UBE2L5: variants seen among roughly 807,000 people sequenced by gnomAD.
The protein encoded by UBE2L5 is ubiquitin conjugating enzyme E2 L5, also known as ubiquitin-conjugating enzyme E2 L5.
Under a neutral mutation model 10.0 loss-of-function variants are expected in UBE2L5, and 3 were observed. That is an observed-to-expected ratio of 0.30 (90% confidence interval 0.14 to 0.78). UBE2L5 has a LOEUF of 0.78. UBE2L5 is among the 30% of genes least tolerant of loss of function. The pLI, the probability that UBE2L5 is intolerant of heterozygous loss-of-function variation, is 0.65. For missense variants in UBE2L5, 131 were observed against 193.3 expected (o/e 0.68, Z 1.91); for synonymous variants, 60 against 71.9 (o/e 0.83, Z 0.83).
Position 30,428,596 on chromosome 13 carries a change from T to C in UBE2L5, c.*141T>C. The C allele has an allele frequency of 2.2e-6, 2 of 925,766 alleles. No homozygotes were observed. The highest frequency in any genetic ancestry group is 3.8e-5 in the South Asian group (2 of 53,306). 57.3% of individuals were successfully genotyped at this position (925,766 alleles called of 1,614,324 possible). On this transcript the variant is annotated 3_prime_UTR_variant, in exon 4 of 4. Transcript: ENST00000635918. ...TGCAGCAGTTACTAACTTTCTACAGTTTTCTTAATTAAAAGTGGTCTAGGT... is the reference window on the plus strand; with the variant it reads ...TGCAGCAGTTACTAACTTTCTACAGCTTTCTTAATTAAAAGTGGTCTAGGT...
chr13:30,425,021 G>C (rs1177609796), intron 2 of UBE2L5, 120 bp downstream of exon 2: 3 of 152,336 alleles, frequency 2.0e-5, no homozygotes, highest in Admixed American at 2.0e-4. Context: ...GCCTCCCAAA[G>C]TGCTAGGATT....
At chr13:30,426,497 A>G (rs1322854782) in intron 2 of UBE2L5, among the ~76,000 whole-genome samples, 1 of 152,192 alleles carries the variant, frequency 6.6e-6, no homozygotes, top group Non-Finnish European at 1.5e-5. Flanking sequence ...GACAGGTCAT[A>G]TAAACATACT....
At position 30,427,516 on chromosome 13, in the gene UBE2L5, A is replaced by G. The variant is rs1885553776; in HGVS notation, c.-475A>G. 6.3e-6 allele frequency: 1 copy of G among 159,358 alleles called. No homozygotes were observed. The allele number at this position is 159,358 out of a possible 1,614,324, so 9.9% of individuals were successfully genotyped here. The stretch of plus-strand genomic sequence containing the variant: ...ATATGCAGGTAGAATTATAATGTGT[A>G]AAGCCGGGTGCAGTGGCTCACGTCT... On this transcript the variant is annotated 5_prime_UTR_variant, in exon 4 of 4. Transcript: ENST00000635918.
At chr13:30,423,061 T>C (rs1003287537) in intron 1 of UBE2L5, among the ~76,000 whole-genome samples, 1 of 152,236 alleles carries the variant, frequency 6.6e-6, no homozygotes, top group African/African-American at 2.4e-5. Flanking sequence ...ACTCAGTTTG[T>C]TGTTCTAAAC....
intron 2 of UBE2L5, among the ~76,000 whole-genome samples, chr13:30,425,343 C>T (rs918073809): frequency 6.6e-6 from 1 of 152,194 alleles, no homozygotes; most frequent in Non-Finnish European, 1.5e-5. Flanking sequence ...CTACTTATCA[C>T]TTCATGGGCA....
At position 30,428,512 on chromosome 13, in the gene UBE2L5, G is replaced by A; in HGVS notation, c.*57G>A. On this transcript the variant is annotated 3_prime_UTR_variant, in exon 4 of 4. Coordinates refer to ENST00000635918, the MANE Select transcript of UBE2L5 (RefSeq NM_001355247.2). ...GCAGAGACCCCGTGCAGTACATTCAGACACCCCGCAAAGCAGGACTCTGTG... is the reference window on the plus strand; with the variant it reads ...GCAGAGACCCCGTGCAGTACATTCAAACACCCCGCAAAGCAGGACTCTGTG... 1 of 1,578,932 alleles carries A rather than the reference G, an allele frequency of 6.3e-7. No homozygotes were observed. Among genetic ancestry groups the A allele is most frequent in the Non-Finnish European group, 8.6e-7 (1 of 1,165,744 alleles).
chr13:30,428,344 G>A lies in UBE2L5; in HGVS notation c.354G>A (p.Glu118=), dbSNP rs1885570323. Residue 118 remains glutamate (E), a synonymous_variant, in exon 4 of 4, where the codon GAG becomes GAA. Transcript: ENST00000635918. ...CACTGGTGAATGACCCGCAGCCCGA[G>A]CACCCGCTTCGGGCTGACCTAGCTG... The part of the protein sequence containing the change: ...LIALVNDPQP[E]HPLRADLAEE... 6.2e-7 allele frequency: 1 copy of A among 1,610,590 alleles called. No homozygotes were observed. Among genetic ancestry groups the A allele is most frequent in the Non-Finnish European group, 8.5e-7 (1 of 1,178,488 alleles).
chr13:30,422,806 C>G (rs1467721817), intron 1 of UBE2L5, 129 bp downstream of exon 1: 1 of 152,088 alleles, frequency 6.6e-6, no homozygotes, highest in Non-Finnish European at 1.5e-5. Context: ...AGCATTGCCT[C>G]GCTTGGTGAC....
rs1885577471 is a variant in UBE2L5 at position 30,428,737 on chromosome 13, T to C, written c.*282T>C. On this transcript the variant is annotated 3_prime_UTR_variant, in exon 4 of 4. Coordinates refer to ENST00000635918, the MANE Select transcript of UBE2L5 (RefSeq NM_001355247.2). ...TTGTTTTAAAAACATAAAATCTGGC[T>C]ACCCTAACGGGATAAGAGTTCAGAC... is the stretch of plus-strand genomic sequence containing the variant. 1 of 334,574 alleles carries C rather than the reference T, an allele frequency of 3.0e-6. No homozygotes were observed. The highest frequency in any genetic ancestry group is 5.3e-6 in the Non-Finnish European group (1 of 189,356). 20.7% of individuals were successfully genotyped at this position (334,574 alleles called of 1,614,324 possible). A position where few individuals can be genotyped will look rare whatever the true frequency, so the allele number is the denominator to read the frequency against.
At chr13:30,423,354 G>A (rs1256183434) in intron 1 of UBE2L5, among the ~76,000 whole-genome samples, 2 of 152,178 alleles carry the variant, frequency 1.3e-5, no homozygotes, top group Non-Finnish European at 2.9e-5. Flanking sequence ...CTCAACGCCT[G>A]TAATCCCAGC....
At chr13:30,427,014 TTAAA>T (rs1885547303) in intron 3 of UBE2L5, 1 of 152,226 alleles carries the variant, frequency 6.6e-6, no homozygotes, top group South Asian at 2.1e-4. Context: ...AATCTTACCT[TTAAA>T]TATGTGATTT....
intron 1 of UBE2L5, 54 bp from the exon 2 acceptor site, chr13:30,424,754 C>T (rs1025501477): frequency 9.9e-5 from 15 of 152,120 alleles, no homozygotes; most frequent in African/African-American, 3.6e-4. Context: ...TGAACAGTAC[C>T]TGGCCCACAG....
chr13:30,423,258 A>C (rs2137357175), intron 1 of UBE2L5, among the ~76,000 whole-genome samples: 1 of 152,340 alleles, frequency 6.6e-6, no homozygotes, highest in Non-Finnish European at 1.5e-5. Context: ...AGCAGATACA[A>C]TATGGAGTGT....
chr13:30,423,922 C>T (rs1160382336), intron 1 of UBE2L5, among the ~76,000 whole-genome samples: 1 of 152,244 alleles, frequency 6.6e-6, no homozygotes, highest in Non-Finnish European at 1.5e-5. Flanking sequence ...TGTAGCTTAA[C>T]GCCCTGGGAT....
rs971618888 is a variant in UBE2L5 at position 30,429,692 on chromosome 13, T to A, written c.*1237T>A. On this transcript the variant is annotated 3_prime_UTR_variant, in exon 4 of 4. Coordinates refer to ENST00000635918, the MANE Select transcript of UBE2L5 (RefSeq NM_001355247.2). ...ATGAAATAATTTTTAGAAATTGAGC[T>A]GTTAAAGGTTGTGTTTGCACATGTT... Among the ~76,000 whole-genome samples, 1 of 152,266 alleles carries A rather than the reference T, an allele frequency of 6.6e-6. No individual in the cohort carries two copies. Among genetic ancestry groups the A allele is most frequent in the African/African-American group, 2.4e-5 (1 of 41,478 alleles).
chr13:30,425,388 G>A (rs1199579931), intron 2 of UBE2L5, among the ~76,000 whole-genome samples: 1 of 152,208 alleles, frequency 6.6e-6, no homozygotes, highest in Non-Finnish European at 1.5e-5. Context: ...CAGTGAGGCA[G>A]GCACTTGGCA....
intron 2 of UBE2L5, among the ~76,000 whole-genome samples, chr13:30,425,148 A>C (rs1885519656): frequency 1.3e-5 from 2 of 152,168 alleles, no homozygotes; most frequent in South Asian, 4.1e-4. Context: ...TTAACATTTT[A>C]ACATTTAATC....
Position 30,429,271 on chromosome 13 carries a change from G to A in UBE2L5, c.*816G>A, listed in dbSNP as rs1885588158. Among the ~76,000 whole-genome samples the A allele has an allele frequency of 6.6e-6, 1 of 151,428 alleles. No individual in the cohort carries two copies. The highest frequency in any genetic ancestry group is 2.4e-5 in the African/African-American group (1 of 40,878). ...TTGCACTCCAGCCTGGGCAACAAGA[G>A]CAAAACTCTGTCCCCCCCCCACAAA... is the stretch of plus-strand genomic sequence containing the variant. On this transcript the variant is annotated 3_prime_UTR_variant, in exon 4 of 4. Transcript: ENST00000635918.
In UBE2L5 at chr13:30,428,517, C is replaced by A; in HGVS notation, c.*62C>A. On this transcript the variant is annotated 3_prime_UTR_variant, in exon 4 of 4. Transcript: ENST00000635918. ...GACCCCGTGCAGTACATTCAGACAC[C>A]CCGCAAAGCAGGACTCTGTGGAAAT... is the stretch of plus-strand genomic sequence containing the variant. 6.4e-7 allele frequency: 1 copy of A among 1,566,982 alleles called. No homozygotes were observed. The highest frequency in any genetic ancestry group is 8.6e-7 in the Non-Finnish European group (1 of 1,158,894).
Sources: allele counts gnomAD v4.1 joint callset (sites outside exome capture counted in the v4.1 genomes callset), GRCh38; gene constraint gnomAD v4.1.1; transcripts MANE v1.5; gene names NCBI Gene and HGNC (gene_info 2026-07-23, HGNC 2026-07-21).